Variants in NFIB observed in about 807,000 individuals in gnomAD.
NFIB encodes nuclear factor 1 B-type.
NFIB carries 11 observed loss-of-function variants against 61.5 expected under a neutral mutation model. The observed-to-expected ratio is 0.18, with a 90% CI of 0.11 to 0.30. The LOEUF (loss-of-function observed/expected upper bound fraction) is 0.30. Ranked by LOEUF, NFIB falls within the 10% of genes least tolerant of loss-of-function variation. NFIB has a pLI of 1.00. For synonymous variants in NFIB, 260 were observed against 216.5 expected (o/e 1.20, Z -1.76); for missense variants, 471 against 608.9 (o/e 0.77, Z 2.38).
chr9:14,432,084 T>C, the NFIB span, among the ~76,000 whole-genome samples: 1 of 152,180 alleles, frequency 6.6e-6, no homozygotes. Context: ...GAGGCTCTCT[T>C]GTATGCTACA....
chr9:14,349,043 T>G (rs970020651), intron 1 of NFIB, among the ~76,000 whole-genome samples: 5 of 152,240 alleles, frequency 3.3e-5, no homozygotes, highest in African/African-American at 1.2e-4. Context: ...TTGGACTCGC[T>G]GCAACCCAGG....
the NFIB span, among the ~76,000 whole-genome samples, chr9:14,410,732 C>A: frequency 6.6e-6 from 1 of 152,118 alleles, no homozygotes; most frequent in Non-Finnish European, 1.5e-5. Context: ...AGTTTTGACA[C>A]GAAACAACTC....
chr9:14,439,359 G>A, the NFIB span, among the ~76,000 whole-genome samples: 1 of 152,164 alleles, frequency 6.6e-6, no homozygotes, highest in Non-Finnish European at 1.5e-5. Context: ...GACAGAACGA[G>A]GCACAGGCTA....
intron 2 of NFIB, among the ~76,000 whole-genome samples, chr9:14,234,526 C>A (rs537028011): frequency 8.8e-4 from 134 of 152,046 alleles, no homozygotes; most frequent in African/African-American, 3.1e-3. Flanking sequence ...CGCACCACCA[C>A]GCCCAGCTAA....
the NFIB span, among the ~76,000 whole-genome samples, chr9:14,431,633 GT>G: frequency 0.11 from 13,417 of 127,766 alleles, 684 homozygotes; most frequent in African/African-American, 0.16. Flanking sequence ...TTTTTGTTTT[GT>G]TTTTTTTTTT....
chr9:14,403,872 T>C (rs2061766070), upstream of NFIB, among the ~76,000 whole-genome samples: 1 of 152,170 alleles, frequency 6.6e-6, no homozygotes, highest in African/African-American at 2.4e-5. Flanking sequence ...CAAATTCTTA[T>C]AAGACATACT....
At chr9:14,176,543 A>G (rs1361160446) in intron 3 of NFIB, among the ~76,000 whole-genome samples, 1 of 152,216 alleles carries the variant, frequency 6.6e-6, no homozygotes, top group East Asian at 1.9e-4. Context: ...GCTCTATAAA[A>G]TAACAAATGA....
the NFIB span, among the ~76,000 whole-genome samples, chr9:14,427,934 G>GTTTTTTTTTTTTTTTTTTTTTTTTT: frequency 2.3e-3 from 59 of 25,936 alleles, 6 homozygotes; most frequent in Non-Finnish European, 3.7e-3. Flanking sequence ...CTTTAATTCA[G>GTTTTTTTTTTTTTTTTTTTTTTTTT]TTGTTTTTTT....
intron 6 of NFIB, among the ~76,000 whole-genome samples, chr9:14,131,611 A>G (rs1484149989): frequency 6.6e-6 from 1 of 152,198 alleles, no homozygotes. Flanking sequence ...AACAATTTTG[A>G]TCAATTCTAA....
chr9:14,466,240 A>C, the NFIB span, among the ~76,000 whole-genome samples: 12 of 152,194 alleles, frequency 7.9e-5, no homozygotes, highest in Non-Finnish European at 5.9e-5. Context: ...TCAAATGATT[A>C]GTTAATTATT....
chr9:14,243,374 A>C (rs1349441907), intron 2 of NFIB, among the ~76,000 whole-genome samples: 1 of 152,200 alleles, frequency 6.6e-6, no homozygotes, highest in Non-Finnish European at 1.5e-5. Context: ...AGAAGCTGGC[A>C]TGTGATTCCA....
chr9:14,133,057 C>T (rs1200856217), intron 6 of NFIB, among the ~76,000 whole-genome samples: 1 of 152,170 alleles, frequency 6.6e-6, no homozygotes, highest in African/African-American at 2.4e-5. Context: ...AGCTTAGAGA[C>T]AGTCCAATGG....
At chr9:14,408,712 T>C in the NFIB span, among the ~76,000 whole-genome samples, 1 of 152,202 alleles carries the variant, frequency 6.6e-6, no homozygotes, top group South Asian at 2.1e-4. Context: ...TTTTGAGAGA[T>C]AAGAAAAAAT....
At chr9:14,515,255 G>C in the NFIB span, among the ~76,000 whole-genome samples, 1 of 152,224 alleles carries the variant, frequency 6.6e-6, no homozygotes, top group Non-Finnish European at 1.5e-5. Flanking sequence ...GGAATCAGAT[G>C]GAGGAAGTGG....
rs370443513 is a variant in NFIB at position 14,241,100 on chromosome 9, C to G, written c.563-61320G>C. ...CACATGGCAAGAATACACTCAGGCA[C>G]CGAATACCTTTTAGGCAAATGAGGG... On this transcript the variant is annotated intron_variant, in intron 2 of 10. Coordinates refer to ENST00000380953, the MANE Select transcript of NFIB (RefSeq NM_001190737.2). Among the ~76,000 whole-genome samples, 8 of 152,314 alleles carry G rather than the reference C, an allele frequency of 5.3e-5. No individual in the cohort carries two copies. The East Asian group carries it at 9.6e-4, about 18-fold the overall frequency.
At chr9:14,497,052 T>A in the NFIB span, among the ~76,000 whole-genome samples, 1 of 152,224 alleles carries the variant, frequency 6.6e-6, no homozygotes, top group East Asian at 1.9e-4. Context: ...AGCTACAAAG[T>A]ACTCACAAAG....
chr9:14,519,055 T>G, the NFIB span, among the ~76,000 whole-genome samples: 1 of 152,116 alleles, frequency 6.6e-6, no homozygotes, highest in Non-Finnish European at 1.5e-5. Context: ...ATCACAAAAT[T>G]GCTAATGAAC....
the NFIB span, among the ~76,000 whole-genome samples, chr9:14,473,794 TA>T: frequency 4.6e-5 from 7 of 152,236 alleles, no homozygotes; most frequent in Admixed American, 4.6e-4. Context: ...ATGATTTTTT[TA>T]TGTCTCCACT....
At chr9:14,249,517 G>A (rs1436405357) in intron 2 of NFIB, among the ~76,000 whole-genome samples, 1 of 152,008 alleles carries the variant, frequency 6.6e-6, no homozygotes, top group Non-Finnish European at 1.5e-5. Flanking sequence ...AGGCTAAAGT[G>A]CATTTTTGTG....
Sources: gnomAD v4.1 joint callset for allele counts (sites outside exome capture counted in the v4.1 genomes callset) on GRCh38, gnomAD v4.1.1 for gene constraint, MANE v1.5 for transcripts, NCBI Gene and HGNC (gene_info 2026-07-23, HGNC 2026-07-21) for gene names.